Variants in AGBL1 observed in about 807,000 individuals in gnomAD.
The protein encoded by AGBL1 is cytosolic carboxypeptidase 4.
In AGBL1, 130 loss-of-function variants were observed where a neutral mutation model predicts 118.9. That is an observed-to-expected ratio of 1.09 (90% CI 0.95 to 1.26). AGBL1 has a LOEUF of 1.26. Among genes scored for constraint, AGBL1 ranks in the 50% most tolerant of loss-of-function variants. The pLI is 0.00. For synonymous variants in AGBL1, 555 were observed against 478.9 expected (o/e 1.16, Z -2.08); for missense variants, 1,584 against 1,298.1 (o/e 1.22, Z -3.38).
chr15:86,287,124 T>C (rs1420789983), intron 16 of AGBL1, among the ~76,000 whole-genome samples: 1 of 152,172 alleles, frequency 6.6e-6, no homozygotes, highest in Non-Finnish European at 1.5e-5. Context: ...CATATTTTTT[T>C]ATGTATCTGT....
chr15:86,872,298 G>A (rs2079740919), intron 22 of AGBL1, among the ~76,000 whole-genome samples: 1 of 152,176 alleles, frequency 6.6e-6, no homozygotes, highest in Admixed American at 6.5e-5. Flanking sequence ...ATTGTTTCAG[G>A]TGGAGAAAAT....
chr15:86,519,936 T>A (rs1216989292), intron 18 of AGBL1, among the ~76,000 whole-genome samples: 2 of 152,206 alleles, frequency 1.3e-5, no homozygotes, highest in African/African-American at 4.8e-5. Flanking sequence ...ATCAGCAATT[T>A]CTACTGATTA....
intron 17 of AGBL1, among the ~76,000 whole-genome samples, chr15:86,331,788 C>A (rs900550276): frequency 6.6e-6 from 1 of 152,170 alleles, no homozygotes; most frequent in Non-Finnish European, 1.5e-5. Flanking sequence ...TACAAGAGCT[C>A]CTTAAGTGAG....
chr15:86,156,555 G>C (rs1298159228), intron 4 of AGBL1, among the ~76,000 whole-genome samples: 4 of 152,158 alleles, frequency 2.6e-5, no homozygotes, highest in Non-Finnish European at 4.4e-5. Flanking sequence ...AGCCATAATG[G>C]AGCTCATAGA....
intron 17 of AGBL1, among the ~76,000 whole-genome samples, chr15:86,349,278 A>G (rs1044737485): frequency 6.6e-6 from 1 of 152,220 alleles, no homozygotes. Flanking sequence ...TACCTAGGAA[A>G]TTAATACGCT....
At position 86,903,780 on chromosome 15, in the gene AGBL1, G is replaced by C. The variant is rs934859296; in HGVS notation, c.3159-3307G>C. The stretch of plus-strand genomic sequence containing the variant: ...CTGCTGGGCCATGGTGGGAATTCCA[G>C]CTCCCCACCAGGACTTTGCTGATCC... On this transcript the variant is annotated intron_variant, in intron 22 of 22. Coordinates refer to ENST00000614907, the MANE Select transcript of AGBL1 (RefSeq NM_001386094.1). Among the ~76,000 whole-genome samples, 14 of 152,248 alleles carry C rather than the reference G, an allele frequency of 9.2e-5. No homozygotes were observed. The East Asian group carries it at 2.5e-3, about 27-fold the overall frequency.
At chr15:86,431,411 A>G (rs1392644026) in intron 18 of AGBL1, among the ~76,000 whole-genome samples, 1 of 152,252 alleles carries the variant, frequency 6.6e-6, no homozygotes, top group Non-Finnish European at 1.5e-5. Context: ...CACAGGGCAC[A>G]TAATATGGTG....
Position 86,668,953 on chromosome 15 carries a change from T to C in AGBL1, c.2995-5320T>C, listed in dbSNP as rs114109165. ...CAGATTTGGAATCACAATTCAAATG[T>C]ACCTGTAGCTCAAAAGGCCTCAAGC... On this transcript the variant is annotated intron_variant, in intron 21 of 22. Coordinates refer to ENST00000614907, the MANE Select transcript of AGBL1 (RefSeq NM_001386094.1). 6.7e-3 allele frequency among the ~76,000 whole-genome samples: 1,018 copies of C among 152,288 alleles called. 7 individuals carry two copies. Among genetic ancestry groups the C allele is most frequent in the East Asian group, 0.02 (105 of 5,162 alleles).
At position 86,459,532 on chromosome 15, in the gene AGBL1, G is replaced by T. The variant is rs56339718; in HGVS notation, c.2555+61986G>T. On this transcript the variant is annotated intron_variant, in intron 18 of 22. Transcript: ENST00000614907. ...ATTCATATTTATAAATAGTTTGGGT[G>T]AAAAGAAAGATTTGGGAATAAAAAA... 6.0e-3 allele frequency among the ~76,000 whole-genome samples: 920 copies of T among 152,200 alleles called. 6 individuals are homozygous for T. Among genetic ancestry groups the T allele is most frequent in the African/African-American group, 0.021 (878 of 41,530 alleles).
At chr15:86,173,270 C>T (rs967697848) in intron 5 of AGBL1, 8 of 152,098 alleles carry the variant, frequency 5.3e-5, no homozygotes, top group African/African-American at 9.7e-5. Context: ...TCATCAGAAA[C>T]CTTTGTCTAC....
intron 22 of AGBL1, among the ~76,000 whole-genome samples, chr15:86,828,939 T>C (rs1325367488): frequency 7.8e-6 from 1 of 127,500 alleles, no homozygotes; most frequent in Non-Finnish European, 1.7e-5. Context: ...TATATATATA[T>C]ATACTGTGTA....
intron 1 of AGBL1, among the ~76,000 whole-genome samples, chr15:86,099,767 C>T (rs1175290890): frequency 6.6e-6 from 1 of 152,080 alleles, no homozygotes. Context: ...GCCTTGGCTT[C>T]CCAACATGCT....
intron 21 of AGBL1, among the ~76,000 whole-genome samples, chr15:86,588,214 G>C (rs1253352831): frequency 4.6e-5 from 7 of 152,142 alleles, no homozygotes. Context: ...ATCAGGATGA[G>C]CCTGGGTTGG....
At chr15:87,009,106 T>C (rs2081533088) in intron 24 of AGBL1, among the ~76,000 whole-genome samples, 1 of 152,100 alleles carries the variant, frequency 6.6e-6, no homozygotes, top group South Asian at 2.1e-4. Context: ...GGGGAAAATG[T>C]CTCCAGGGCA....
intron 5 of AGBL1, among the ~76,000 whole-genome samples, chr15:86,187,837 A>G (rs533152380): frequency 6.6e-6 from 1 of 152,290 alleles, no homozygotes; most frequent in Admixed American, 6.5e-5. Flanking sequence ...TTTGAAGTCA[A>G]CATCTTCCCT....
rs1416315345 is a variant in AGBL1, at chr15:86,269,878, G to T, written c.1839-41G>T. On this transcript the variant is annotated intron_variant, in intron 13 of 22. Coordinates refer to ENST00000614907, the MANE Select transcript of AGBL1 (RefSeq NM_001386094.1). ...CTTAGTGTCTGAAGTTTACCTGAAA[G>T]ACTTTCCAGATAACCCTCCAGTCTT... 2.5e-6 allele frequency: 4 copies of T among 1,596,114 alleles called. No homozygotes were observed. The African/African-American group carries it at 5.4e-5, about 21-fold the overall frequency.
chr15:86,236,539 G>A (rs773333315), intron 6 of AGBL1, among the ~76,000 whole-genome samples: 3 of 152,062 alleles, frequency 2.0e-5, no homozygotes, highest in Admixed American at 6.5e-5. Flanking sequence ...GAATGCACAC[G>A]GCTCAAGGTT....
chr15:86,218,402 G>T (rs1214637867), intron 5 of AGBL1, among the ~76,000 whole-genome samples: 4 of 152,196 alleles, frequency 2.6e-5, no homozygotes, highest in Non-Finnish European at 4.4e-5. Context: ...GTATCTGGAT[G>T]CTAAACATTG....
chr15:86,790,041 T>G (rs1246305869), intron 22 of AGBL1, among the ~76,000 whole-genome samples: 4 of 152,198 alleles, frequency 2.6e-5, no homozygotes, highest in African/African-American at 9.6e-5. Flanking sequence ...GTGTTTTTGT[T>G]GTTATTTGTA....
Sources: allele counts gnomAD v4.1 joint callset (sites outside exome capture counted in the v4.1 genomes callset), GRCh38; gene constraint gnomAD v4.1.1; transcripts MANE v1.5; gene names NCBI Gene and HGNC (gene_info 2026-07-23, HGNC 2026-07-21).